PAK4: variants seen among roughly 807,000 people sequenced by gnomAD.
PAK4 encodes the protein serine/threonine-protein kinase PAK 4.
In PAK4, 49 loss-of-function variants were observed where a neutral mutation model predicts 53.5. The observed-to-expected ratio is 0.92, with a 90% CI of 0.73 to 1.16. PAK4 has a LOEUF of 1.16. Ranked by LOEUF, PAK4 falls within the 50% of genes most tolerant of loss-of-function variation. The pLI is 0.00. For synonymous variants in PAK4, 376 were observed against 375.6 expected (o/e 1.00, Z -0.01); for missense variants, 824 against 850.7 (o/e 0.97, Z 0.39).
At chr19:39,158,302 G>C (rs1318566902) in intron 1 of PAK4, among the ~76,000 whole-genome samples, 3 of 152,198 alleles carry the variant, frequency 2.0e-5, no homozygotes, top group African/African-American at 4.8e-5. Flanking sequence ...TGTTGGGTCT[G>C]TGAGGAGAGG....
In PAK4 at chr19:39,141,093, T is replaced by C. The variant is rs982702571; in HGVS notation, c.-23+15174T>C. Among the ~76,000 whole-genome samples the C allele has an allele frequency of 3.3e-5, 5 of 152,324 alleles. 1 individual carries two copies. In the South Asian group the frequency reaches 1.0e-3, roughly 32 times the overall value. On this transcript the variant is annotated intron_variant, in intron 1 of 8. Coordinates refer to ENST00000358301, the Ensembl canonical transcript of PAK4. ...TAAAATGTTGAACACCTTTGTATTA[T>C]GGAAATGTTCACACATACCCAGAAG...
At chr19:39,129,090 T>A (rs7250163) in intron 1 of PAK4, among the ~76,000 whole-genome samples, 2,308 of 152,242 alleles carry the variant, frequency 0.015, 72 homozygotes, top group African/African-American at 0.051. Flanking sequence ...ATAGGTATAT[T>A]TGAGATGGGA....
chr19:39,174,925 G>A lies in PAK4; in HGVS notation c.1099-6G>A. Reference sequence around the variant, plus strand: ...TCCCTCCACCACTGACCCAGCCCCTGCACAGGTGGTAATCATGAGGGACTA... The same window carrying A: ...TCCCTCCACCACTGACCCAGCCCCTACACAGGTGGTAATCATGAGGGACTA... On this transcript the variant is annotated splice_region_variant and splice_polypyrimidine_tract_variant and intron_variant, in intron 4 of 8. Transcript: ENST00000358301. The A allele has an allele frequency of 1.2e-6, 2 of 1,613,638 alleles. No homozygotes were observed. Among genetic ancestry groups the A allele is most frequent in the East Asian group, 2.2e-5 (1 of 44,854 alleles).
chr19:39,132,221 A>G (rs1455795205), intron 1 of PAK4, among the ~76,000 whole-genome samples: 3 of 152,284 alleles, frequency 2.0e-5, no homozygotes, highest in Non-Finnish European at 4.4e-5. Flanking sequence ...TTCAGAAAGC[A>G]CGTTTTTCCT....
chr19:39,158,441 A>G (rs2074230216), intron 1 of PAK4, among the ~76,000 whole-genome samples: 1 of 152,122 alleles, frequency 6.6e-6, no homozygotes. Context: ...TTCCTGCCAC[A>G]TCACCCCCTT....
At position 39,165,904 on chromosome 19, in the gene PAK4, C is replaced by T. The variant is rs892263389; in HGVS notation, c.-22-3628C>T. ...GGGCCACCTGGGTTAATGAGGTCCC[C>T]CTCTGTGCCTTGTTTTCCCTGTCTG... On this transcript the variant is annotated intron_variant, in intron 1 of 8. Transcript: ENST00000358301. 2.6e-5 allele frequency among the ~76,000 whole-genome samples: 4 copies of T among 152,234 alleles called. 1 individual carries two copies. The highest frequency in any genetic ancestry group is 4.1e-4 in the South Asian group (2 of 4,834).
At chr19:39,158,493 C>T (rs2074231344) in intron 1 of PAK4, among the ~76,000 whole-genome samples, 1 of 152,224 alleles carries the variant, frequency 6.6e-6, no homozygotes, top group African/African-American at 2.4e-5. Context: ...GACGTCTGCT[C>T]TGATTTCCCA....
Position 39,155,569 on chromosome 19 carries a change from T to TA in PAK4, c.-22-13962dup, listed in dbSNP as rs550641376. Among the ~76,000 whole-genome samples, 11 of 152,232 alleles carry TA rather than the reference T, an allele frequency of 7.2e-5. No individual in the cohort carries two copies. In the South Asian group the frequency reaches 2.3e-3, roughly 32 times the overall value. ...AGACAGTGTTCACAGGAGAAACAGTTACACCTGCGAGCTCTGCCTCGGGCC... is the reference window on the plus strand; with the variant it reads ...AGACAGTGTTCACAGGAGAAACAGTTAACACCTGCGAGCTCTGCCTCGGGCC... On this transcript the variant is annotated intron_variant, in intron 1 of 8. Coordinates refer to ENST00000358301, the Ensembl canonical transcript of PAK4.
At chr19:39,165,868 C>G (rs751393882) in intron 1 of PAK4, among the ~76,000 whole-genome samples, 1 of 152,242 alleles carries the variant, frequency 6.6e-6, no homozygotes, top group Non-Finnish European at 1.5e-5. Context: ...GTCCACTCTG[C>G]CACCCTAGCT....
At chr19:39,179,347 C>G (rs11122) in exon 9 of PAK4, 1 of 146,724 alleles carries the variant, frequency 6.8e-6, no homozygotes, top group South Asian at 2.4e-4. Flanking sequence ...CAGCGCAGCC[C>G]CAGCCCGCCC....
chr19:39,169,532 G>T, exon 2 of PAK4: 2 of 1,608,556 alleles, frequency 1.2e-6, no homozygotes, highest in Non-Finnish European at 1.7e-6. Flanking sequence ...CCTCCCGCAG[G>T]CCGCACCGAG....
chr19:39,176,474 T>C, intron 6 of PAK4, 116 bp from the exon 8 acceptor site: 1 of 1,393,786 alleles, frequency 7.2e-7, no homozygotes, highest in Non-Finnish European at 1.0e-6. Context: ...AGACCCCAGC[T>C]CTGACCTCTG....
At position 39,161,678 on chromosome 19, in the gene PAK4, C is replaced by G. The variant is rs1419485445; in HGVS notation, c.-22-7854C>G. Among the ~76,000 whole-genome samples, 2 of 152,030 alleles carry G rather than the reference C, an allele frequency of 1.3e-5. No homozygotes were observed. Among genetic ancestry groups the G allele is most frequent in the Non-Finnish European group, 2.9e-5 (2 of 67,992 alleles). On this transcript the variant is annotated intron_variant, in intron 1 of 8. Transcript: ENST00000358301. The surrounding 1 kb of genome is among the most constrained non-coding windows in gnomAD (Gnocchi z 4.5). ...AACTCCGTCTCACTCGGGAAAGGAC[C>G]AGGCCCTCCCGGTGGCCCCCAAAGC...
chr19:39,176,908 G>T (rs533714279), intron 7 of PAK4, among the ~76,000 whole-genome samples, 193 bp downstream of exon 8: 20 of 151,504 alleles, frequency 1.3e-4, no homozygotes, highest in East Asian at 1.2e-3. Flanking sequence ...TCGCTCTGTT[G>T]CCCAGGCTGG....
chr19:39,157,910 G>A (rs2074212811), intron 1 of PAK4, among the ~76,000 whole-genome samples: 1 of 152,258 alleles, frequency 6.6e-6, no homozygotes. Flanking sequence ...GCATGTCTGT[G>A]TGATGGTCTT....
Position 39,173,125 on chromosome 19 carries a change from T to C in PAK4, c.412T>C (p.Phe138Leu). ...AGGGAAGGCAGGCAGCCGAGGCCGG[T>C]TCGCCGGTCACAGCGAGGCGGGTGG... Residue 138 changes from phenylalanine (F) to leucine (L), a missense_variant, in exon 3 of 9, where the codon TTC (phenylalanine) becomes CTC (leucine). By Grantham distance (22) the Phe-to-Leu change is conservative (BLOSUM62 0). This residue lies in a region of PAK4 where 478 missense variants were observed against 435.8 expected (regional missense o/e 1.10). Coordinates refer to ENST00000358301, the Ensembl canonical transcript of PAK4. The surrounding 1 kb of genome is among the most constrained non-coding windows in gnomAD (Gnocchi z 6.9). 1 of 1,547,140 alleles carries C rather than the reference T, an allele frequency of 6.5e-7. No homozygotes were observed. The highest frequency in any genetic ancestry group is 8.7e-7 in the Non-Finnish European group (1 of 1,145,392).
Position 39,141,984 on chromosome 19 carries a change from C to T in PAK4, c.-23+16065C>T, listed in dbSNP as rs866017113. 7.4e-4 allele frequency among the ~76,000 whole-genome samples: 113 copies of T among 152,024 alleles called. 1 individual carries two copies. The highest frequency in any genetic ancestry group is 1.4e-3 in the Non-Finnish European group (97 of 67,924). ...CACTTTGCATCCGGTTGATAGGCCT[C>T]TTTTTTTTGTTTTGTTTTGTTCCCT... On this transcript the variant is annotated intron_variant, in intron 1 of 8. Coordinates refer to ENST00000358301, the Ensembl canonical transcript of PAK4.
chr19:39,143,027 A>G (rs563888743), intron 1 of PAK4, among the ~76,000 whole-genome samples: 2 of 152,096 alleles, frequency 1.3e-5, no homozygotes, highest in East Asian at 1.9e-4. Flanking sequence ...GGTACTCTGC[A>G]TGGCTTCCTC....
chr19:39,179,730 C>T (rs902549442), downstream of PAK4: 1 of 152,250 alleles, frequency 6.6e-6, no homozygotes, highest in African/African-American at 2.4e-5. Flanking sequence ...TAGGAGCTAA[C>T]CCAAGTTAGT....
Sources: allele counts gnomAD v4.1 joint callset (sites outside exome capture counted in the v4.1 genomes callset), GRCh38; gene constraint gnomAD v4.1.1; regional missense constraint gnomAD v4.1.1; non-coding constraint Gnocchi (gnomAD v3.1); transcripts MANE v1.5; gene names NCBI Gene and HGNC (gene_info 2026-07-23, HGNC 2026-07-21).